The following LIMCH1 variants were observed in gnomAD, a reference collection of about 807,000 sequenced individuals.
LIMCH1 encodes LIM and calponin homology domains-containing protein 1.
In LIMCH1, 113 loss-of-function variants were observed where a neutral mutation model predicts 176.5. The observed-to-expected ratio is 0.64, with a 90% CI of 0.55 to 0.75. LIMCH1 has a LOEUF of 0.75. Ranked by LOEUF, LIMCH1 falls within the 30% of genes least tolerant of loss-of-function variation. The probability of loss-of-function intolerance (pLI) is 0.00; values close to 1 mark genes in which losing one functional copy is unlikely to be tolerated. For synonymous variants in LIMCH1, 619 were observed against 645.9 expected, an observed-to-expected ratio of 0.96 and a Z score of 0.63; for missense variants, 1,674 against 1,814.9, an observed-to-expected ratio of 0.92 and a Z score of 1.41.
At chr4:41,475,403 T>G (rs962115623) in intron 1 of LIMCH1, among the ~76,000 whole-genome samples, 74 of 152,176 alleles carry the variant, frequency 4.9e-4, no homozygotes, top group African/African-American at 1.8e-3. Flanking sequence ...GAGTTTGCAG[T>G]AGGGGTCTGG....
intron 1 of LIMCH1, among the ~76,000 whole-genome samples, chr4:41,562,219 A>G (rs1320280724): frequency 6.6e-6 from 1 of 152,062 alleles, no homozygotes; most frequent in Non-Finnish European, 1.5e-5. Context: ...TCCAGTTACA[A>G]CTTTCTGTCA....
intron 1 of LIMCH1, among the ~76,000 whole-genome samples, chr4:41,439,470 C>T (rs1561375509): frequency 6.6e-6 from 1 of 151,996 alleles, no homozygotes; most frequent in East Asian, 1.9e-4. Context: ...GCCTGTTGTC[C>T]CAGCTCAGGA....
intron 28 of LIMCH1, 75 bp from the exon 29 acceptor site, chr4:41,687,765 C>G: frequency 1.2e-6 from 1 of 840,510 alleles, no homozygotes; most frequent in Non-Finnish European, 1.9e-6. Context: ...TTTTCCTAAT[C>G]TAAAATGTCT....
At chr4:41,660,693 G>A (rs1191055869) in intron 18 of LIMCH1, among the ~76,000 whole-genome samples, 2 of 152,166 alleles carry the variant, frequency 1.3e-5, no homozygotes, top group African/African-American at 2.4e-5. Flanking sequence ...AGGTGAAACC[G>A]AAGCTCTGAT....
chr4:41,400,497 A>G (rs1401408937), intron 1 of LIMCH1, among the ~76,000 whole-genome samples: 1 of 152,188 alleles, frequency 6.6e-6, no homozygotes, highest in Non-Finnish European at 1.5e-5. Flanking sequence ...CACTGCATGC[A>G]AAGCTGGAAT....
Position 41,442,142 on chromosome 4 carries a change from A to G in LIMCH1, c.97-52394A>G, listed in dbSNP as rs143630599. 1.7e-3 allele frequency among the ~76,000 whole-genome samples: 252 copies of G among 152,208 alleles called. 5 individuals carry two copies. In the East Asian group the frequency reaches 0.046, roughly 28 times the overall value. ...TGGCGAAACTGCATCTCTACAGAAA[A>G]TACAAAAATTAGCCAGGTGTGGTGG... is the stretch of plus-strand genomic sequence containing the variant. On this transcript the variant is annotated intron_variant, in intron 1 of 26. Transcript: ENST00000313860.
At chr4:41,493,524 C>T (rs944643233) in intron 1 of LIMCH1, among the ~76,000 whole-genome samples, 4 of 151,432 alleles carry the variant, frequency 2.6e-5, no homozygotes, top group Non-Finnish European at 5.9e-5. Flanking sequence ...GTTTATATAG[C>T]ATTTATATTA....
chr4:41,570,949 G>T (rs2152606476), intron 1 of LIMCH1, among the ~76,000 whole-genome samples: 1 of 152,314 alleles, frequency 6.6e-6, no homozygotes, highest in Admixed American at 6.5e-5. Flanking sequence ...AATGCAGGTA[G>T]AGATTTAGCA....
At chr4:41,472,464 G>A (rs113956621) in intron 1 of LIMCH1, among the ~76,000 whole-genome samples, 157 of 151,348 alleles carry the variant, frequency 1.0e-3, no homozygotes, top group African/African-American at 3.7e-3. Context: ...CTGTCACCCT[G>A]GCTCGAGTGC....
intron 7 of LIMCH1, among the ~76,000 whole-genome samples, chr4:41,625,666 C>A (rs28408858): frequency 1.3e-5 from 2 of 151,952 alleles, no homozygotes; most frequent in Admixed American, 1.3e-4. Context: ...AAATTGAGAT[C>A]ACTTGAAATG....
intron 1 of LIMCH1, among the ~76,000 whole-genome samples, chr4:41,392,756 G>A (rs2057376482): frequency 6.9e-6 from 1 of 144,134 alleles, no homozygotes; most frequent in Non-Finnish European, 1.5e-5. Flanking sequence ...TATAGGCCAG[G>A]CGCAGTGGCT....
At chr4:41,662,719 G>C (rs1270420816) in intron 19 of LIMCH1, 102 bp from the exon 20 acceptor site, 3 of 1,226,210 alleles carry the variant, frequency 2.4e-6, no homozygotes, top group Non-Finnish European at 3.5e-6. Context: ...GCCAGGACGG[G>C]ATATGGACTG....
intron 2 of LIMCH1, among the ~76,000 whole-genome samples, chr4:41,520,191 C>T (rs1004502608): frequency 6.6e-6 from 1 of 152,072 alleles, no homozygotes; most frequent in Non-Finnish European, 1.5e-5. Flanking sequence ...GAAGTCTTAC[C>T]TGGGCCTGGA....
chr4:41,410,324 C>T (rs1403667353), intron 1 of LIMCH1, among the ~76,000 whole-genome samples: 5 of 152,164 alleles, frequency 3.3e-5, no homozygotes, highest in Non-Finnish European at 1.5e-5. Flanking sequence ...GGATTCTGCT[C>T]ATTTCTGTTG....
chr4:41,642,948 T>C (rs560736392), intron 14 of LIMCH1, among the ~76,000 whole-genome samples: 1 of 152,286 alleles, frequency 6.6e-6, no homozygotes, highest in South Asian at 2.1e-4. Flanking sequence ...GAGGCAGCAT[T>C]ATGCAATGGC....
intron 1 of LIMCH1, among the ~76,000 whole-genome samples, chr4:41,538,920 C>T (rs1236085070): frequency 6.6e-6 from 1 of 152,180 alleles, no homozygotes; most frequent in Non-Finnish European, 1.5e-5. Context: ...CAGCCTTGCC[C>T]ACTTAGTCCT....
intron 3 of LIMCH1, chr4:41,604,320 C>G: frequency 1.8e-6 from 1 of 562,204 alleles, no homozygotes; most frequent in Non-Finnish European, 2.3e-6. Context: ...TGGGCCTATA[C>G]TCTATGTATT....
chr4:41,550,423 G>C (rs904169612), intron 1 of LIMCH1, among the ~76,000 whole-genome samples: 5 of 152,010 alleles, frequency 3.3e-5, no homozygotes, highest in African/African-American at 1.2e-4. Context: ...TGGAGTAAAT[G>C]GCTCAAGGCC....
At chr4:41,371,887 G>T (rs998642713) in intron 1 of LIMCH1, among the ~76,000 whole-genome samples, 3 of 152,212 alleles carry the variant, frequency 2.0e-5, no homozygotes, top group Non-Finnish European at 2.9e-5. Context: ...CTGTAATGAG[G>T]ATTATTACAT....
Sources: gnomAD v4.1 joint callset for allele counts (sites outside exome capture counted in the v4.1 genomes callset) on GRCh38, gnomAD v4.1.1 for gene constraint, MANE v1.5 for transcripts, NCBI Gene and HGNC (gene_info 2026-07-23, HGNC 2026-07-21) for gene names.